ARHGEF11: variants seen among roughly 807,000 people sequenced by gnomAD.
ARHGEF11 encodes the protein Rho guanine exchange factor (GEF) 11.
A neutral mutation model predicts 193.7 loss-of-function variants in ARHGEF11; 55 were observed. That is an observed-to-expected ratio of 0.28 (90% CI 0.23 to 0.36). ARHGEF11 has a LOEUF of 0.36. Among genes scored for constraint, ARHGEF11 ranks in the 10% least tolerant of loss-of-function variants. The probability of loss-of-function intolerance (pLI) is 1.00; values close to 1 mark genes in which losing one functional copy is unlikely to be tolerated. For missense variants in ARHGEF11, 1,723 were observed against 2,005.6 expected, an observed-to-expected ratio of 0.86 and a Z score of 2.69; for synonymous variants, 693 against 768.0, an observed-to-expected ratio of 0.90 and a Z score of 1.62.
chr1:156,935,783 G>A lies in ARHGEF11; in HGVS notation c.*217C>T, dbSNP rs1654932015. On this transcript the variant is annotated 3_prime_UTR_variant, in exon 41 of 41. Coordinates refer to ENST00000368194, the MANE Select transcript of ARHGEF11 (RefSeq NM_198236.3). ...GCTTAGGAGACATGAGGCCTTGGAGGGTTGGGCTAAGGGAGGGAAAAGACA... is the reference window on the plus strand; with the variant it reads ...GCTTAGGAGACATGAGGCCTTGGAGAGTTGGGCTAAGGGAGGGAAAAGACA... 1.1e-5 allele frequency: 6 copies of A among 569,026 alleles called. No individual in the cohort carries two copies. Among genetic ancestry groups the A allele is most frequent in the Non-Finnish European group, 1.9e-5 (6 of 321,102 alleles). The allele number at this position is 569,026 out of a possible 1,614,324, so 35.2% of individuals were successfully genotyped here. A position where few individuals can be genotyped will look rare whatever the true frequency, so the allele number is the denominator to read the frequency against.
chr1:156,962,569 C>T (rs1211179989), intron 13 of ARHGEF11, among the ~76,000 whole-genome samples: 1 of 152,110 alleles, frequency 6.6e-6, no homozygotes. Context: ...CGGTCTGTAT[C>T]TACCTTCGTT....
chr1:156,935,957 T>C lies in ARHGEF11; in HGVS notation c.*43A>G. The C allele has an allele frequency of 6.3e-7, 1 of 1,590,482 alleles. No individual in the cohort carries two copies. Among genetic ancestry groups the C allele is most frequent in the South Asian group, 1.1e-5 (1 of 88,024 alleles). On this transcript the variant is annotated 3_prime_UTR_variant, in exon 41 of 41. Coordinates refer to ENST00000368194, the MANE Select transcript of ARHGEF11 (RefSeq NM_198236.3). ...TGTGCCCCGGTCTCAGGCCAGTCCC[T>C]GAAGGAGGAGTGGGGACGCAGAGGA...
intron 3 of ARHGEF11, 96 bp downstream of exon 3, chr1:156,984,243 A>G (rs1404374694): frequency 1.0e-6 from 1 of 990,250 alleles, no homozygotes; most frequent in Non-Finnish European, 1.5e-6. Flanking sequence ...TAATTCATTC[A>G]TGCCCCACAG....
At chr1:156,945,900 C>T in intron 29 of ARHGEF11, 145 bp downstream of exon 29, 1 of 634,696 alleles carries the variant, frequency 1.6e-6, no homozygotes, top group Non-Finnish European at 2.7e-6. Context: ...TCATTTTCTT[C>T]TCTGAAACAC....
At position 157,044,779 on chromosome 1, in the gene ARHGEF11, G is replaced by A. The variant is rs529719374; in HGVS notation, c.-449C>T. 2.4e-5 allele frequency: 9 copies of A among 368,358 alleles called. No individual in the cohort carries two copies. The highest frequency in any genetic ancestry group is 1.4e-4 in the South Asian group (1 of 6,962). The allele number at this position is 368,358 out of a possible 1,614,324, so 22.8% of individuals were successfully genotyped here. A position where few individuals can be genotyped will look rare whatever the true frequency, so the allele number is the denominator to read the frequency against. On this transcript the variant is annotated 5_prime_UTR_variant, in exon 1 of 41. Coordinates refer to ENST00000368194, the MANE Select transcript of ARHGEF11 (RefSeq NM_198236.3). ...CTCAGCTGTCCTTCTGTTGGCAAGA[G>A]ACCCTCTAGCTCAAAGGGGGAAAGT... is the stretch of plus-strand genomic sequence containing the variant.
chr1:156,946,465 A>G (rs924172985), intron 28 of ARHGEF11, among the ~76,000 whole-genome samples, 197 bp downstream of exon 28: 2 of 152,228 alleles, frequency 1.3e-5, no homozygotes, highest in Admixed American at 6.5e-5. Context: ...CAGGCCTCTG[A>G]CTGCTAATCC....
chr1:156,983,684 A>C (rs544831812), intron 3 of ARHGEF11, among the ~76,000 whole-genome samples: 31 of 152,292 alleles, frequency 2.0e-4, no homozygotes, highest in African/African-American at 6.7e-4. Context: ...CCTTCCCACC[A>C]AATTCCTATC....
chr1:156,967,911 T>C, intron 11 of ARHGEF11, 76 bp downstream of exon 11: 1 of 1,604,166 alleles, frequency 6.2e-7, no homozygotes, highest in Non-Finnish European at 8.5e-7. Context: ...TCCAAGACGA[T>C]GTACTGGTAA....
chr1:157,012,953 A>G (rs1668720846), intron 1 of ARHGEF11, among the ~76,000 whole-genome samples: 1 of 152,208 alleles, frequency 6.6e-6, no homozygotes, highest in African/African-American at 2.4e-5. Context: ...GGCACAAGCC[A>G]GATTTCCCTT....
intron 14 of ARHGEF11, 86 bp downstream of exon 14, chr1:156,961,591 G>T: frequency 2.7e-6 from 3 of 1,119,294 alleles, no homozygotes; most frequent in Non-Finnish European, 2.7e-6. Context: ...GTCTCTGTTT[G>T]GCCTGGATGT....
chr1:157,010,460 C>T (rs144914987), intron 1 of ARHGEF11, among the ~76,000 whole-genome samples: 59 of 152,286 alleles, frequency 3.9e-4, no homozygotes, highest in African/African-American at 1.4e-3. Flanking sequence ...CTTGCTCTGT[C>T]ACCCAGGCTG....
intron 31 of ARHGEF11, 69 bp from the exon 32 acceptor site, chr1:156,944,171 C>T (rs930451992): frequency 2.6e-6 from 4 of 1,557,622 alleles, no homozygotes; most frequent in African/African-American, 2.7e-5. Flanking sequence ...CAATGCAGGG[C>T]CACAGGCTCT....
chr1:157,025,681 T>C (rs1035619809), intron 1 of ARHGEF11, among the ~76,000 whole-genome samples: 1 of 152,172 alleles, frequency 6.6e-6, no homozygotes, highest in Non-Finnish European at 1.5e-5. Flanking sequence ...TGTTAATTAC[T>C]ACCAGGGAGG....
chr1:156,956,015 G>A (rs1385188334), intron 19 of ARHGEF11, among the ~76,000 whole-genome samples: 2 of 152,232 alleles, frequency 1.3e-5, no homozygotes, highest in Admixed American at 6.5e-5. Context: ...TCCACATCCA[G>A]GTGGAGGGAT....
chr1:156,989,110 T>G (rs1318399369), intron 1 of ARHGEF11, among the ~76,000 whole-genome samples: 1 of 152,120 alleles, frequency 6.6e-6, no homozygotes, highest in East Asian at 1.9e-4. Context: ...GAGCTCAGAT[T>G]CTGCTCAGCC....
In ARHGEF11 at chr1:156,946,923, T is replaced by C; in HGVS notation, c.2568+13A>G. 6.2e-7 allele frequency: 1 copy of C among 1,613,802 alleles called. No individual in the cohort carries two copies. The highest frequency in any genetic ancestry group is 1.7e-5 in the Admixed American group (1 of 60,022). On this transcript the variant is annotated intron_variant, in intron 27 of 40. Coordinates refer to ENST00000368194, the MANE Select transcript of ARHGEF11 (RefSeq NM_198236.3). Reference sequence around the variant, plus strand: ...TCTCCTCCTTGCCAAGAGGGAGAAGTTTGGAGCCATACCCGGGCCAGCATG... The same window carrying C: ...TCTCCTCCTTGCCAAGAGGGAGAAGCTTGGAGCCATACCCGGGCCAGCATG...
chr1:156,989,019 T>C (rs577658917), intron 1 of ARHGEF11, among the ~76,000 whole-genome samples: 2 of 152,224 alleles, frequency 1.3e-5, no homozygotes, highest in South Asian at 4.1e-4. Context: ...TGGCCTGAAA[T>C]GGAGGCTGTC....
At chr1:157,036,099 A>C (rs144524898) in intron 1 of ARHGEF11, among the ~76,000 whole-genome samples, 1,713 of 144,504 alleles carry the variant, frequency 0.012, 35 homozygotes, top group African/African-American at 0.041. Flanking sequence ...GAAAATACAT[A>C]TATGAATATA....
chr1:156,974,359 C>T (rs528281939), intron 7 of ARHGEF11, among the ~76,000 whole-genome samples: 231 of 152,292 alleles, frequency 1.5e-3, no homozygotes, highest in Non-Finnish European at 2.9e-3. Flanking sequence ...TGAGCTACCA[C>T]TCCTGGTCCC....
Sources: allele counts gnomAD v4.1 joint callset (sites outside exome capture counted in the v4.1 genomes callset), GRCh38; gene constraint gnomAD v4.1.1; transcripts MANE v1.5; gene names NCBI Gene and HGNC (gene_info 2026-07-23, HGNC 2026-07-21).